Variants in SP140L observed in about 807,000 individuals in gnomAD.
SP140L encodes nuclear body protein SP140-like protein.
A neutral mutation model predicts 84.3 loss-of-function variants in SP140L; 64 were observed. That is an observed-to-expected ratio of 0.76 (90% CI 0.62 to 0.94). The LOEUF is 0.94. SP140L is among the 40% of genes least tolerant of loss of function. SP140L has a pLI of 0.00. For missense variants in SP140L, 628 were observed against 692.5 expected, an observed-to-expected ratio of 0.91 and a Z score of 1.05; for synonymous variants, 242 against 236.9, an observed-to-expected ratio of 1.02 and a Z score of -0.20.
intron 2 of SP140L, among the ~76,000 whole-genome samples, chr2:230,339,654 C>T (rs1419255246): frequency 6.8e-6 from 1 of 147,276 alleles, no homozygotes; most frequent in African/African-American, 2.5e-5. Context: ...TTTCCCTCTA[C>T]ACACTGCTTT....
At chr2:230,329,222 T>G (rs1207764876) in intron 2 of SP140L, among the ~76,000 whole-genome samples, 1 of 152,238 alleles carries the variant, frequency 6.6e-6, no homozygotes, top group African/African-American at 2.4e-5. Context: ...TCTGTTAAGG[T>G]GGCAGATTTG....
intron 2 of SP140L, among the ~76,000 whole-genome samples, chr2:230,348,901 G>A (rs1281914310): frequency 6.6e-6 from 1 of 152,182 alleles, no homozygotes; most frequent in African/African-American, 2.4e-5. Context: ...TAAAAATGGG[G>A]GATCCTTGCT....
chr2:230,346,309 A>T (rs2060207953), intron 2 of SP140L, among the ~76,000 whole-genome samples: 1 of 152,152 alleles, frequency 6.6e-6, no homozygotes, highest in Non-Finnish European at 1.5e-5. Flanking sequence ...TGCTGCTTTC[A>T]AAATTATCTT....
At chr2:230,346,469 T>C (rs2060211909) in intron 2 of SP140L, among the ~76,000 whole-genome samples, 1 of 152,188 alleles carries the variant, frequency 6.6e-6, no homozygotes, top group Admixed American at 6.5e-5. Flanking sequence ...TAAATTGACT[T>C]TCTGCTCATT....
intron 10 of SP140L, among the ~76,000 whole-genome samples, 177 bp from the exon 11 acceptor site, chr2:230,389,742 C>T (rs1388540410): frequency 3.3e-5 from 5 of 152,152 alleles, no homozygotes; most frequent in Admixed American, 3.3e-4. Context: ...GAAATTGGGG[C>T]ACACATTCTG....
chr2:230,356,334 G>T (rs940972637), intron 2 of SP140L, among the ~76,000 whole-genome samples: 2 of 152,146 alleles, frequency 1.3e-5, no homozygotes, highest in African/African-American at 4.8e-5. Context: ...GTCTCAAACT[G>T]AATCCACTCC....
intron 9 of SP140L, 72 bp downstream of exon 9, chr2:230,385,376 A>T (rs2061542279): frequency 7.0e-7 from 1 of 1,437,162 alleles, no homozygotes; most frequent in Non-Finnish European, 9.7e-7. Context: ...TGAGGAGCCT[A>T]GAAGCTTTAT....
At chr2:230,359,856 CA>C (rs1180530717) in intron 4 of SP140L, among the ~76,000 whole-genome samples, 1 of 150,940 alleles carries the variant, frequency 6.6e-6, no homozygotes, top group African/African-American at 2.4e-5. Context: ...CCTTTACCCA[CA>C]AGGGATAAAA....
intron 2 of SP140L, among the ~76,000 whole-genome samples, chr2:230,332,872 AC>A (rs1442757168): frequency 6.6e-6 from 1 of 152,142 alleles, no homozygotes; most frequent in African/African-American, 2.4e-5. Flanking sequence ...TCCAAGACTG[AC>A]CTTCTGAAGC....
intron 5 of SP140L, among the ~76,000 whole-genome samples, chr2:230,368,431 A>G (rs1007694582): frequency 2.6e-5 from 4 of 152,164 alleles, no homozygotes; most frequent in African/African-American, 9.7e-5. Context: ...TTGACAGCTC[A>G]TGTTGGTGTA....
intron 2 of SP140L, among the ~76,000 whole-genome samples, chr2:230,349,787 T>C (rs976978028): frequency 5.9e-5 from 9 of 152,104 alleles, no homozygotes; most frequent in African/African-American, 1.9e-4. Context: ...GGTGGGCAGA[T>C]CACTCGAGGT....
intron 7 of SP140L, among the ~76,000 whole-genome samples, chr2:230,381,488 A>T (rs76732179): frequency 0.057 from 8,656 of 152,258 alleles, 388 homozygotes; most frequent in South Asian, 0.085. Context: ...CCTCATGAAG[A>T]CACTACCCCA....
chr2:230,400,420 G>C, intron 15 of SP140L, 178 bp downstream of exon 15: 1 of 610,122 alleles, frequency 1.6e-6, no homozygotes, highest in Non-Finnish European at 2.9e-6. Flanking sequence ...GGAGGTAAAT[G>C]CTCTCTGTGC....
At chr2:230,354,222 T>C (rs1019891872) in intron 2 of SP140L, among the ~76,000 whole-genome samples, 7 of 152,168 alleles carry the variant, frequency 4.6e-5, no homozygotes, top group African/African-American at 1.4e-4. Flanking sequence ...TATTTGTTTC[T>C]ACATAAGAGA....
chr2:230,363,089 A>G (rs1427256508), intron 5 of SP140L, among the ~76,000 whole-genome samples: 2 of 152,170 alleles, frequency 1.3e-5, no homozygotes, highest in Non-Finnish European at 2.9e-5. Context: ...TTTTTGACTT[A>G]TGAGATTTTC....
intron 5 of SP140L, among the ~76,000 whole-genome samples, chr2:230,362,163 G>T (rs771281310): frequency 6.6e-6 from 1 of 152,128 alleles, no homozygotes; most frequent in African/African-American, 2.4e-5. Context: ...ACACCAACCA[G>T]TTCTTCAGTT....
chr2:230,347,078 C>T (rs2149706876), intron 2 of SP140L, among the ~76,000 whole-genome samples: 1 of 152,294 alleles, frequency 6.6e-6, no homozygotes, highest in South Asian at 2.1e-4. Flanking sequence ...GACAGGTCAG[C>T]TGGTAGCATC....
chr2:230,372,990 A>G (rs1268866143), intron 7 of SP140L, among the ~76,000 whole-genome samples: 1 of 152,200 alleles, frequency 6.6e-6, no homozygotes, highest in Non-Finnish European at 1.5e-5. Context: ...GTCTGGATGA[A>G]AGATCAAATC....
chr2:230,371,556 T>C (rs772787268), intron 6 of SP140L, 42 bp from the exon 7 acceptor site: 2 of 1,477,556 alleles, frequency 1.4e-6, no homozygotes, highest in Non-Finnish European at 1.9e-6. Flanking sequence ...TAACTTTTAT[T>C]TATTAATTTC....
Sources: gnomAD v4.1 joint callset for allele counts (sites outside exome capture counted in the v4.1 genomes callset) on GRCh38, gnomAD v4.1.1 for gene constraint, MANE v1.5 for transcripts, NCBI Gene and HGNC (gene_info 2026-07-23, HGNC 2026-07-21) for gene names.